Variants in SBF2 observed in about 807,000 individuals in gnomAD.
SBF2 encodes myotubularin-related protein 13.
In SBF2, 112 loss-of-function variants were observed where a neutral mutation model predicts 225.2. The observed-to-expected ratio is 0.50, with a 90% CI of 0.43 to 0.58. The LOEUF is 0.58. SBF2 is among the 20% of genes least tolerant of loss of function. The probability of loss-of-function intolerance (pLI) is 0.00; values close to 1 mark genes in which losing one functional copy is unlikely to be tolerated. For missense variants in SBF2, 1,996 were observed against 2,206.2 expected (o/e 0.90, Z 1.91); for synonymous variants, 763 against 773.3 (o/e 0.99, Z 0.22).
intron 2 of SBF2, among the ~76,000 whole-genome samples, chr11:10,080,927 T>C (rs191038390): frequency 2.0e-4 from 31 of 152,200 alleles, no homozygotes; most frequent in African/African-American, 7.2e-4. Flanking sequence ...TAAATATATA[T>C]GGACCCAACA....
At chr11:10,001,426 T>C (rs1947950575) in intron 7 of SBF2, among the ~76,000 whole-genome samples, 2 of 151,942 alleles carry the variant, frequency 1.3e-5, no homozygotes, top group Non-Finnish European at 2.9e-5. Flanking sequence ...AATTCCACTT[T>C]CTATACTTGA....
At chr11:10,065,673 C>T (rs1020215801) in intron 2 of SBF2, among the ~76,000 whole-genome samples, 1 of 152,108 alleles carries the variant, frequency 6.6e-6, no homozygotes, top group African/African-American at 2.4e-5. Context: ...AACTACTGGC[C>T]AGGCACAGTG....
intron 1 of SBF2, among the ~76,000 whole-genome samples, chr11:10,290,482 G>T (rs1964092808): frequency 6.6e-6 from 1 of 152,118 alleles, no homozygotes; most frequent in South Asian, 2.1e-4. Context: ...CAGAGTGCTG[G>T]GGAGGGTGTC....
intron 13 of SBF2, among the ~76,000 whole-genome samples, chr11:9,980,170 G>A (rs915680967): frequency 6.6e-6 from 1 of 151,138 alleles, no homozygotes; most frequent in African/African-American, 2.4e-5. Flanking sequence ...TAGTAGAGAC[G>A]GGATTTCACC....
At chr11:9,846,176 G>C (rs1462642883) in intron 23 of SBF2, among the ~76,000 whole-genome samples, 1 of 152,180 alleles carries the variant, frequency 6.6e-6, no homozygotes, top group African/African-American at 2.4e-5. Context: ...GAGTTCTTTG[G>C]TAGTCGGGAC....
chr11:9,898,073 C>T (rs1342737823), intron 16 of SBF2, among the ~76,000 whole-genome samples: 2 of 152,028 alleles, frequency 1.3e-5, no homozygotes, highest in African/African-American at 4.8e-5. Context: ...GAGGAAGAGT[C>T]AGAAGGGAAA....
At chr11:10,239,844 T>C (rs1959184098) in intron 1 of SBF2, among the ~76,000 whole-genome samples, 1 of 152,196 alleles carries the variant, frequency 6.6e-6, no homozygotes, top group Non-Finnish European at 1.5e-5. Flanking sequence ...GGTTTTAAAA[T>C]TTTGATTATG....
At chr11:10,240,259 C>CAAA (rs555675542) in intron 1 of SBF2, among the ~76,000 whole-genome samples, 19 of 93,100 alleles carry the variant, frequency 2.0e-4, no homozygotes, top group African/African-American at 5.9e-4. Context: ...ATTAAAAGAA[C>CAAA]AAAAAAAAAA....
At chr11:9,962,309 A>G (rs1439331711) in intron 15 of SBF2, among the ~76,000 whole-genome samples, 2 of 152,246 alleles carry the variant, frequency 1.3e-5, no homozygotes. Context: ...TAAACCAGCA[A>G]GAAATATAAG....
intron 28 of SBF2, among the ~76,000 whole-genome samples, chr11:9,821,752 T>C (rs773709810): frequency 3.3e-5 from 5 of 152,244 alleles, no homozygotes; most frequent in Admixed American, 1.3e-4. Flanking sequence ...CGGATGAATA[T>C]TGTTTCACAG....
intron 16 of SBF2, among the ~76,000 whole-genome samples, chr11:9,921,115 G>T (rs1034626124): frequency 7.4e-6 from 1 of 135,706 alleles, no homozygotes. Flanking sequence ...TTGTTGCCCA[G>T]GCTGGAGTAC....
intron 13 of SBF2, among the ~76,000 whole-genome samples, chr11:9,987,548 ACT>A (rs1391526947): frequency 6.6e-6 from 1 of 152,176 alleles, no homozygotes; most frequent in African/African-American, 2.4e-5. Context: ...AGCTCCTAGA[ACT>A]GATAAAAGAA....
At chr11:10,260,611 G>C (rs1961333363) in intron 1 of SBF2, among the ~76,000 whole-genome samples, 1 of 151,008 alleles carries the variant, frequency 6.6e-6, no homozygotes, top group South Asian at 2.1e-4. Flanking sequence ...AGCTACTCAG[G>C]AGAATGGTGT....
intron 28 of SBF2, among the ~76,000 whole-genome samples, chr11:9,821,636 A>C (rs1175796850): frequency 6.6e-6 from 1 of 152,242 alleles, no homozygotes; most frequent in Non-Finnish European, 1.5e-5. Flanking sequence ...TCCAAGCTGC[A>C]GGATCCTCCT....
intron 1 of SBF2, among the ~76,000 whole-genome samples, chr11:10,259,257 G>C (rs530390688): frequency 6.6e-6 from 1 of 152,154 alleles, no homozygotes; most frequent in Admixed American, 6.5e-5. Flanking sequence ...TTATTGTTAA[G>C]ATGCAAAATT....
intron 26 of SBF2, among the ~76,000 whole-genome samples, chr11:9,833,989 G>A (rs1279218129): frequency 1.4e-5 from 2 of 146,322 alleles, no homozygotes; most frequent in South Asian, 2.2e-4. Context: ...AGGCTGTCTC[G>A]AACTCTCAAC....
intron 1 of SBF2, among the ~76,000 whole-genome samples, chr11:10,301,991 T>C (rs1964603407): frequency 1.3e-5 from 2 of 152,246 alleles, no homozygotes; most frequent in Admixed American, 1.3e-4. Flanking sequence ...GATTTTTTTT[T>C]CTTTTTCTTT....
At chr11:9,805,412 A>G (rs773061368) in intron 32 of SBF2, among the ~76,000 whole-genome samples, 11 of 151,994 alleles carry the variant, frequency 7.2e-5, no homozygotes, top group Non-Finnish European at 1.3e-4. Context: ...TGTATCCCAG[A>G]TTGTGTAGCC....
intron 17 of SBF2, among the ~76,000 whole-genome samples, chr11:9,892,995 C>A (rs1403629711): frequency 1.3e-5 from 2 of 152,118 alleles, no homozygotes; most frequent in African/African-American, 4.8e-5. Flanking sequence ...ATTAATGTTG[C>A]TGCCCAGATG....
Sources: allele counts gnomAD v4.1 joint callset (sites outside exome capture counted in the v4.1 genomes callset), GRCh38; gene constraint gnomAD v4.1.1; transcripts MANE v1.5; gene names NCBI Gene and HGNC (gene_info 2026-07-23, HGNC 2026-07-21).